PARP8: variants seen among roughly 807,000 people sequenced by gnomAD.
PARP8 encodes protein mono-ADP-ribosyltransferase PARP8.
In PARP8, 51 loss-of-function variants were observed where a neutral mutation model predicts 124.1. The observed-to-expected ratio is 0.41, with a 90% confidence interval of 0.33 to 0.52. The LOEUF (loss-of-function observed/expected upper bound fraction) is 0.52, where lower values mean the gene tolerates loss of function less well. Among genes scored for constraint, PARP8 ranks in the 20% least tolerant of loss-of-function variants. The pLI is 0.21. For synonymous variants in PARP8, 391 were observed against 361.5 expected (o/e 1.08, Z -0.93); for missense variants, 860 against 1,018.9 (o/e 0.84, Z 2.12).
At chr5:50,765,941 G>A (rs183257596) in intron 7 of PARP8, among the ~76,000 whole-genome samples, 168 of 152,224 alleles carry the variant, frequency 1.1e-3, no homozygotes, top group African/African-American at 3.8e-3. Context: ...GAAGTTTGAA[G>A]AGCAAAAGTA....
intron 9 of PARP8, among the ~76,000 whole-genome samples, chr5:50,784,399 G>A (rs1347345501): frequency 6.6e-6 from 1 of 152,078 alleles, no homozygotes; most frequent in Admixed American, 6.6e-5. Context: ...TTATGATAAT[G>A]TATATTTTCT....
At chr5:50,835,069 G>C (rs2149723752) in intron 25 of PARP8, 54 bp downstream of exon 25, 1 of 1,467,480 alleles carries the variant, frequency 6.8e-7, no homozygotes, top group South Asian at 1.2e-5. Context: ...AAATGGGTTA[G>C]TGGTGACTGA....
chr5:50,778,465 A>G (rs1347789455), intron 8 of PARP8, 95 bp from the exon 9 acceptor site: 3 of 1,036,756 alleles, frequency 2.9e-6, no homozygotes, highest in East Asian at 2.5e-5. Context: ...TGTTATATGC[A>G]TTTTGCGAAC....
intron 14 of PARP8, among the ~76,000 whole-genome samples, chr5:50,798,172 T>C (rs1742768602): frequency 6.6e-6 from 1 of 152,190 alleles, no homozygotes; most frequent in Non-Finnish European, 1.5e-5. Context: ...ATAATATACA[T>C]TTTATGCATA....
chr5:50,685,504 A>G (rs560244594), intron 2 of PARP8, among the ~76,000 whole-genome samples: 11 of 152,342 alleles, frequency 7.2e-5, no homozygotes, highest in African/African-American at 1.4e-4. Flanking sequence ...TGTAAATTCC[A>G]TGTCCCATCT....
intron 21 of PARP8, among the ~76,000 whole-genome samples, chr5:50,829,159 TAGC>T (rs1287663966): frequency 6.6e-6 from 1 of 152,180 alleles, no homozygotes; most frequent in Non-Finnish European, 1.5e-5. Flanking sequence ...TACTTGGTGT[TAGC>T]AGGATATCAT....
At chr5:50,717,833 T>A (rs1755480404) in intron 2 of PARP8, among the ~76,000 whole-genome samples, 1 of 151,870 alleles carries the variant, frequency 6.6e-6, no homozygotes, top group Admixed American at 6.6e-5. Context: ...TAACTACTCA[T>A]TGCTACTGAG....
intron 10 of PARP8, among the ~76,000 whole-genome samples, chr5:50,790,920 A>G (rs1378963100): frequency 6.6e-6 from 1 of 152,166 alleles, no homozygotes; most frequent in African/African-American, 2.4e-5. Flanking sequence ...TTGTTTCCCT[A>G]ATTATAAATA....
At chr5:50,696,022 C>T (rs927964357) in intron 2 of PARP8, among the ~76,000 whole-genome samples, 7 of 151,952 alleles carry the variant, frequency 4.6e-5, no homozygotes, top group African/African-American at 1.7e-4. Context: ...ATCTGTACAC[C>T]AGCACTGTGA....
chr5:50,742,025 G>T, intron 2 of PARP8: 1 of 287,260 alleles, frequency 3.5e-6, no homozygotes, highest in South Asian at 2.8e-5. Flanking sequence ...GGCCAGGCTG[G>T]TCTCGAACTC....
chr5:50,740,637 T>A (rs1299953139), intron 2 of PARP8, among the ~76,000 whole-genome samples: 2 of 151,842 alleles, frequency 1.3e-5, no homozygotes, highest in Non-Finnish European at 2.9e-5. Flanking sequence ...TACTGAGACC[T>A]CATCTCTACA....
chr5:50,757,023 A>C, intron 3 of PARP8: 1 of 318,830 alleles, frequency 3.1e-6, no homozygotes, highest in Non-Finnish European at 6.5e-6. Context: ...TCAGTTGCTG[A>C]ATGTAGTATT....
At chr5:50,706,369 G>C (rs1351136606) in intron 2 of PARP8, among the ~76,000 whole-genome samples, 1 of 151,982 alleles carries the variant, frequency 6.6e-6, no homozygotes, top group Non-Finnish European at 1.5e-5. Flanking sequence ...TTTTTGGGAT[G>C]TAGAAGTTTT....
intron 18 of PARP8, 140 bp from the exon 19 acceptor site, chr5:50,826,615 A>C: frequency 9.1e-7 from 1 of 1,102,728 alleles, no homozygotes; most frequent in Non-Finnish European, 1.2e-6. Context: ...AACAAACCTA[A>C]ATTATGCGAC....
chr5:50,841,953 T>C lies in PARP8; in HGVS notation c.2463-13T>C. The C allele has an allele frequency of 1.3e-6, 2 of 1,539,206 alleles. No individual in the cohort carries two copies. Among genetic ancestry groups the C allele is most frequent in the Non-Finnish European group, 1.8e-6 (2 of 1,123,954 alleles). ...TTTAAAATGTTTTTATATTTTTATG[T>C]TTTGTATTTCAGCTATGAAGACGGC... On this transcript the variant is annotated splice_polypyrimidine_tract_variant and intron_variant, in intron 25 of 25. Coordinates refer to ENST00000281631, the MANE Select transcript of PARP8 (RefSeq NM_024615.4).
Position 50,747,036 on chromosome 5 carries a change from A to C in PARP8, c.147-3115A>C, listed in dbSNP as rs532527495. Among the ~76,000 whole-genome samples, 337 of 151,898 alleles carry C rather than the reference A, an allele frequency of 2.2e-3. 1 individual carries two copies. The highest frequency in any genetic ancestry group is 3.7e-3 in the Non-Finnish European group (252 of 67,946). On this transcript the variant is annotated intron_variant, in intron 2 of 25. Transcript: ENST00000281631. ...GAGCAAGACCTCATCTCTAAAAAAA[A>C]TTTTTTTTAAATGGAAAAAATTTGC...
At chr5:50,810,210 A>G (rs1478460165) in intron 14 of PARP8, among the ~76,000 whole-genome samples, 2 of 151,986 alleles carry the variant, frequency 1.3e-5, no homozygotes, top group Non-Finnish European at 2.9e-5. Flanking sequence ...TGGTTTTACA[A>G]TCTAAATTAG....
intron 7 of PARP8, among the ~76,000 whole-genome samples, chr5:50,775,857 G>T (rs557068327): frequency 1.3e-5 from 2 of 152,104 alleles, no homozygotes; most frequent in East Asian, 3.9e-4. Flanking sequence ...ACAATTTGAC[G>T]TCCTCTTTTT....
chr5:50,804,225 C>A (rs1234097120), intron 14 of PARP8, among the ~76,000 whole-genome samples: 1 of 152,076 alleles, frequency 6.6e-6, no homozygotes, highest in Admixed American at 6.6e-5. Context: ...TTTTCAATCC[C>A]CACTCCAGGT....
Sources: allele counts gnomAD v4.1 joint callset (sites outside exome capture counted in the v4.1 genomes callset), GRCh38; gene constraint gnomAD v4.1.1; transcripts MANE v1.5; gene names NCBI Gene and HGNC (gene_info 2026-07-23, HGNC 2026-07-21).